Variants in IQGAP2 observed in about 807,000 individuals in gnomAD.
The protein encoded by IQGAP2 is ras GTPase-activating-like protein IQGAP2.
IQGAP2 carries 173 observed loss-of-function variants against 201.3 expected under a neutral mutation model. The observed-to-expected ratio is 0.86, with a 90% confidence interval of 0.76 to 0.98. IQGAP2 has a LOEUF of 0.98. Ranked by LOEUF, IQGAP2 falls within the 50% of genes least tolerant of loss-of-function variation. IQGAP2 has a pLI of 0.00. For missense variants in IQGAP2, 1,687 were observed against 1,864.8 expected, an observed-to-expected ratio of 0.90 and a Z score of 1.76; for synonymous variants, 675 against 673.9, an observed-to-expected ratio of 1.00 and a Z score of -0.03.
At chr5:76,707,141 GT>G in intron 35 of IQGAP2, 58 bp from the exon 36 acceptor site, 1 of 846,478 alleles carries the variant, frequency 1.2e-6, no homozygotes. Context: ...CTTCTAATAT[GT>G]TTTTTAAATG....
intron 2 of IQGAP2, among the ~76,000 whole-genome samples, chr5:76,523,532 A>C (rs1758808521): frequency 6.6e-6 from 1 of 152,200 alleles, no homozygotes; most frequent in Non-Finnish European, 1.5e-5. Flanking sequence ...CAGATGTCAA[A>C]TAGGCAAGGC....
At position 76,654,480 on chromosome 5, in the gene IQGAP2, C is replaced by T. The variant is rs59796835; in HGVS notation, c.2250+209C>T. Among the ~76,000 whole-genome samples the T allele has an allele frequency of 2.4e-4, 37 of 152,178 alleles. 1 individual carries two copies. The East Asian group carries it at 4.4e-3, about 18-fold the overall frequency. ...GAGTTAGACTTCACCAGTCAGGACT[C>T]GATAGAAAATGGGTGAGGGGAAAAC... On this transcript the variant is annotated intron_variant, in intron 19 of 35. Coordinates refer to ENST00000274364, the MANE Select transcript of IQGAP2 (RefSeq NM_006633.5).
At chr5:76,705,977 T>A (rs930328242) in intron 35 of IQGAP2, among the ~76,000 whole-genome samples, 9 of 152,216 alleles carry the variant, frequency 5.9e-5, no homozygotes, top group Admixed American at 3.9e-4. Flanking sequence ...TTTGTTTATA[T>A]GCTGGCAGTG....
Position 76,632,019 on chromosome 5 carries a change from T to C in IQGAP2, c.1773T>C (p.Ser591=). 6.2e-7 allele frequency: 1 copy of C among 1,603,788 alleles called. No homozygotes were observed. ...TTGTGAAGGCAAAAGAGCTCAAATC[T>C]GAAAGAGGTAAGTTGGTTTGTTACT... is the stretch of plus-strand genomic sequence containing the variant. ...DALVKAKELK[S]ERVSSDGSWL... The change falls in exon 15 of 36, where the codon TCT becomes TCC. Residue 591 remains serine (S), a synonymous_variant. Coordinates refer to ENST00000274364, the MANE Select transcript of IQGAP2 (RefSeq NM_006633.5).
chr5:76,482,053 C>T (rs1314100709), intron 2 of IQGAP2, among the ~76,000 whole-genome samples: 1 of 152,164 alleles, frequency 6.6e-6, no homozygotes, highest in African/African-American at 2.4e-5. Context: ...TTCACATTTA[C>T]CACAGAAAGG....
chr5:76,448,687 T>C (rs1241340796), intron 1 of IQGAP2, among the ~76,000 whole-genome samples: 1 of 152,176 alleles, frequency 6.6e-6, no homozygotes, highest in Admixed American at 6.5e-5. Context: ...AGAGCCATTA[T>C]CTTTAATCTC....
intron 17 of IQGAP2, among the ~76,000 whole-genome samples, chr5:76,650,150 T>C (rs1464003947): frequency 6.6e-6 from 1 of 152,186 alleles, no homozygotes; most frequent in Non-Finnish European, 1.5e-5. Context: ...GTCTAAAGCA[T>C]TGGGGATTTC....
Position 76,627,452 on chromosome 5 carries a change from C to A in IQGAP2, c.1564C>A (p.Gln522Lys), listed in dbSNP as rs1750345370. The change falls in exon 14 of 36, where the codon CAG becomes AAG. Residue 522 changes from glutamine to lysine, a missense_variant. Transcript: ENST00000274364. The part of the protein sequence containing the change: ...VSKVLWLDEI[Q>K]QAVDDANVDK... ...CAAAGTGCTTTGGCTGGATGAGATA[C>A]AGCAAGCCGTCGATGATGCCAACGT... The A allele has an allele frequency of 6.2e-7, 1 of 1,603,758 alleles. No homozygotes were observed. Among genetic ancestry groups the A allele is most frequent in the Non-Finnish European group, 8.5e-7 (1 of 1,170,656 alleles).
intron 1 of IQGAP2, among the ~76,000 whole-genome samples, chr5:76,430,070 G>T (rs573598390): frequency 3.3e-5 from 5 of 152,132 alleles, no homozygotes; most frequent in African/African-American, 1.2e-4. Context: ...TTTATAGCTG[G>T]AAGTAATAGG....
chr5:76,697,702 TAAACTA>T (rs1218359160), intron 32 of IQGAP2, among the ~76,000 whole-genome samples: 9 of 152,232 alleles, frequency 5.9e-5, no homozygotes, highest in Non-Finnish European at 2.9e-5. Flanking sequence ...AATTTTTCCT[TAAACTA>T]AATGTGTGGT....
chr5:76,451,717 T>A (rs10076920), intron 1 of IQGAP2, among the ~76,000 whole-genome samples: 91,795 of 152,048 alleles, frequency 0.6, 28,098 homozygotes, highest in African/African-American at 0.69. Context: ...ATTATTATTA[T>A]TTTTTTTTCT....
At chr5:76,494,516 A>G (rs1300742936) in intron 2 of IQGAP2, among the ~76,000 whole-genome samples, 1 of 152,200 alleles carries the variant, frequency 6.6e-6, no homozygotes, top group Non-Finnish European at 1.5e-5. Context: ...ACAATTGTAC[A>G]TGCCCTCAGC....
At chr5:76,593,029 C>T in intron 9 of IQGAP2, 104 bp downstream of exon 9, 1 of 793,326 alleles carries the variant, frequency 1.3e-6, no homozygotes, top group Non-Finnish European at 2.1e-6. Context: ...GGAAAACTGC[C>T]TTATACAATG....
rs1006222653 is a variant in IQGAP2, at chr5:76,652,632, G to A, written c.2095-118G>A. 6.6e-6 allele frequency: 5 copies of A among 761,172 alleles called. No homozygotes were observed. In the East Asian group the frequency reaches 7.5e-5, roughly 11 times the overall value. 47.2% of individuals were successfully genotyped at this position (761,172 alleles called of 1,614,324 possible). A position where few individuals can be genotyped will look rare whatever the true frequency, so the allele number is the denominator to read the frequency against. On this transcript the variant is annotated intron_variant, in intron 17 of 35. Transcript: ENST00000274364. ...AGGGTGTCCAGATGAGATCTGAAGG[G>A]AGGGTGCCTGACAGTGTCCCAGCTC...
intron 15 of IQGAP2, 80 bp from the exon 16 acceptor site, chr5:76,636,954 A>G: frequency 8.6e-7 from 1 of 1,160,110 alleles, no homozygotes; most frequent in Non-Finnish European, 1.2e-6. Context: ...ATATTCAATT[A>G]TTTTACATAT....
chr5:76,484,652 T>TA (rs756039322), intron 2 of IQGAP2, among the ~76,000 whole-genome samples: 9 of 151,988 alleles, frequency 5.9e-5, no homozygotes, highest in Non-Finnish European at 1.3e-4. Flanking sequence ...GAAAGTATAA[T>TA]AAAAAAATTA....
At chr5:76,679,510 G>A (rs931170624) in intron 28 of IQGAP2, among the ~76,000 whole-genome samples, 25 of 152,230 alleles carry the variant, frequency 1.6e-4, no homozygotes, top group African/African-American at 5.5e-4. Flanking sequence ...CCAAGCCTGT[G>A]GCCATGTGCT....
chr5:76,510,618 A>AG (rs1757904980), intron 2 of IQGAP2: 2 of 516,646 alleles, frequency 3.9e-6, no homozygotes, highest in Admixed American at 4.2e-5. Flanking sequence ...TCTAGATCAG[A>AG]GGGGCCCAGG....
rs188166760 is a variant in IQGAP2, at chr5:76,417,576, C to T, written c.46+13985C>T. Among the ~76,000 whole-genome samples, 354 of 151,090 alleles carry T rather than the reference C, an allele frequency of 2.3e-3. 2 individuals are homozygous for T. Among genetic ancestry groups the T allele is most frequent in the African/African-American group, 7.9e-3 (324 of 41,184 alleles). On this transcript the variant is annotated intron_variant, in intron 1 of 35. Coordinates refer to ENST00000274364, the MANE Select transcript of IQGAP2 (RefSeq NM_006633.5). The stretch of plus-strand genomic sequence containing the variant: ...CTGGGATTACAGGTGTAAGCCACCG[C>T]GCCTGGCCTATTTATTTATTTTTTG...
Sources: gnomAD v4.1 joint callset for allele counts (sites outside exome capture counted in the v4.1 genomes callset) on GRCh38, gnomAD v4.1.1 for gene constraint, MANE v1.5 for transcripts, NCBI Gene and HGNC (gene_info 2026-07-23, HGNC 2026-07-21) for gene names.